DAB1: variants seen among roughly 807,000 people sequenced by gnomAD.
The protein encoded by DAB1 is DAB adaptor protein 1, also known as disabled homolog 1.
In DAB1, 15 loss-of-function variants were observed where a neutral mutation model predicts 64.6. That is an observed-to-expected ratio of 0.23 (90% CI 0.16 to 0.36). The LOEUF (loss-of-function observed/expected upper bound fraction) is 0.36, where lower values mean the gene tolerates loss of function less well. Among genes scored for constraint, DAB1 ranks in the 10% least tolerant of loss-of-function variants. The pLI is 1.00. For synonymous variants in DAB1, 235 were observed against 251.9 expected (o/e 0.93, Z 0.64); for missense variants, 596 against 706.7 (o/e 0.84, Z 1.78).
At position 58,210,625 on chromosome 1, in the gene DAB1, T is replaced by C. The variant is rs140925587; in HGVS notation, n.310-60037A>G. 4.5e-4 allele frequency among the ~76,000 whole-genome samples: 68 copies of C among 152,342 alleles called. 1 individual carries two copies. The East Asian group carries it at 0.011, about 24-fold the overall frequency. ...ATCAGACCCCTCTGGTCTAAAAGGC[T>C]TTTATTTGAAAAGCTGTGTTATTAT... is the stretch of plus-strand genomic sequence containing the variant. On this transcript the variant is annotated intron_variant and non_coding_transcript_variant, in intron 4 of 20. Transcript: ENST00000485760.
intron 5 of DAB1, among the ~76,000 whole-genome samples, chr1:58,101,829 G>A (rs905320380): frequency 6.6e-6 from 1 of 152,134 alleles, no homozygotes; most frequent in African/African-American, 2.4e-5. Flanking sequence ...TCTGAAAGGG[G>A]AGTTGAAGGC....
At chr1:57,964,555 A>G (rs1003232279) in intron 5 of DAB1, among the ~76,000 whole-genome samples, 2 of 152,194 alleles carry the variant, frequency 1.3e-5, no homozygotes, top group Non-Finnish European at 2.9e-5. Flanking sequence ...ATGAGTATTT[A>G]CCGAGTGTCT....
intron 7 of DAB1, among the ~76,000 whole-genome samples, chr1:57,588,723 C>CAA (rs982752162): frequency 6.6e-6 from 1 of 152,012 alleles, no homozygotes; most frequent in Admixed American, 6.6e-5. Context: ...GTAATTTAAA[C>CAA]AAAATAGACA....
chr1:58,442,618 ACCAATAAGC>A (rs1381976983), intron 3 of DAB1, among the ~76,000 whole-genome samples: 1 of 152,230 alleles, frequency 6.6e-6, no homozygotes, highest in African/African-American at 2.4e-5. Flanking sequence ...AACATCAAAA[ACCAATAAGC>A]TCAGAAAAAC....
intron 5 of DAB1, among the ~76,000 whole-genome samples, chr1:58,009,554 CT>C (rs938280038): frequency 1.3e-4 from 20 of 152,170 alleles, no homozygotes; most frequent in Non-Finnish European, 2.9e-4. Flanking sequence ...ATGTAAAGAT[CT>C]TTTGATAATA....
intron 1 of DAB1, among the ~76,000 whole-genome samples, chr1:57,306,035 C>T (rs1008815599): frequency 2.0e-5 from 3 of 151,660 alleles, no homozygotes; most frequent in Admixed American, 1.3e-4. Context: ...CTAGGCTTCA[C>T]GTTCTGTGCT....
chr1:57,432,124 A>G (rs993657534), intron 7 of DAB1, among the ~76,000 whole-genome samples: 1 of 152,092 alleles, frequency 6.6e-6, no homozygotes, highest in Non-Finnish European at 1.5e-5. Context: ...TCTGAAAAAA[A>G]AAAAAAAAGA....
At chr1:57,513,390 A>G (rs1002949948) in intron 7 of DAB1, among the ~76,000 whole-genome samples, 18 of 151,990 alleles carry the variant, frequency 1.2e-4, no homozygotes, top group African/African-American at 3.4e-4. Flanking sequence ...TACTTATATA[A>G]TAAGCCTGGC....
chr1:57,621,028 T>A (rs949874844), intron 7 of DAB1, among the ~76,000 whole-genome samples: 36 of 151,106 alleles, frequency 2.4e-4, no homozygotes, highest in South Asian at 4.2e-4. Flanking sequence ...TGTGTGTGTG[T>A]GAGAGAGAGA....
At chr1:57,613,847 AG>A (rs1645757239) in intron 7 of DAB1, among the ~76,000 whole-genome samples, 1 of 152,192 alleles carries the variant, frequency 6.6e-6, no homozygotes, top group Non-Finnish European at 1.5e-5. Context: ...TTCAAATTCC[AG>A]GTGGGCACCT....
intron 3 of DAB1, among the ~76,000 whole-genome samples, chr1:58,347,531 G>A (rs1644013129): frequency 6.6e-6 from 1 of 152,184 alleles, no homozygotes; most frequent in African/African-American, 2.4e-5. Flanking sequence ...ACAATCCTTG[G>A]AGGTTTATTT....
At chr1:57,736,033 C>A (rs1386027542) in intron 6 of DAB1, among the ~76,000 whole-genome samples, 2 of 152,044 alleles carry the variant, frequency 1.3e-5, no homozygotes, top group Non-Finnish European at 1.5e-5. Context: ...GTACAGATAT[C>A]AATATCTAAG....
At chr1:58,284,427 C>T (rs966681928) in intron 4 of DAB1, among the ~76,000 whole-genome samples, 1 of 152,198 alleles carries the variant, frequency 6.6e-6, no homozygotes. Flanking sequence ...TACCCTGCCT[C>T]TCTCTCTCAG....
intron 1 of DAB1, among the ~76,000 whole-genome samples, chr1:57,362,746 C>T (rs1009044048): frequency 6.6e-6 from 1 of 152,232 alleles, no homozygotes; most frequent in Non-Finnish European, 1.5e-5. Context: ...TGTTTATTAG[C>T]TACTCAGTTT....
chr1:58,209,167 T>C (rs1207588912), intron 4 of DAB1, among the ~76,000 whole-genome samples: 1 of 152,192 alleles, frequency 6.6e-6, no homozygotes, highest in African/African-American at 2.4e-5. Context: ...TGATGCATTA[T>C]AGAATGTGAG....
intron 7 of DAB1, among the ~76,000 whole-genome samples, chr1:57,491,441 T>G (rs887998839): frequency 6.6e-6 from 1 of 151,508 alleles, no homozygotes; most frequent in Admixed American, 6.6e-5. Flanking sequence ...AAAATAAAAA[T>G]TAAAAATTAG....
intron 5 of DAB1, among the ~76,000 whole-genome samples, chr1:58,148,969 A>T (rs1654772455): frequency 1.3e-5 from 2 of 152,004 alleles, no homozygotes; most frequent in Admixed American, 1.3e-4. Context: ...AATGGTCTTT[A>T]CTCCAAGTTC....
chr1:58,505,141 A>T (rs933049266), intron 3 of DAB1, among the ~76,000 whole-genome samples: 10 of 152,098 alleles, frequency 6.6e-5, no homozygotes, highest in Non-Finnish European at 1.2e-4. Context: ...CAGTAGAGAC[A>T]GGGTTTCACC....
chr1:58,235,923 G>A (rs1480411707), intron 4 of DAB1, among the ~76,000 whole-genome samples: 1 of 152,174 alleles, frequency 6.6e-6, no homozygotes, highest in East Asian at 1.9e-4. Flanking sequence ...GTCAGGCCTG[G>A]GGCCAAAATA....
Sources: allele counts gnomAD v4.1 joint callset (sites outside exome capture counted in the v4.1 genomes callset), GRCh38; gene constraint gnomAD v4.1.1; transcripts MANE v1.5; gene names NCBI Gene and HGNC (gene_info 2026-07-23, HGNC 2026-07-21).